Variants in RPE65 observed in about 807,000 individuals in gnomAD.
The protein encoded by RPE65 is retinoid isomerohydrolase RPE65.
A neutral mutation model predicts 68.5 loss-of-function variants in RPE65; 58 were observed. The ratio of observed to expected loss-of-function variants is 0.85; its 90% CI spans 0.69 to 1.05. The LOEUF (loss-of-function observed/expected upper bound fraction) is 1.05, where lower values mean the gene tolerates loss of function less well. Ranked by LOEUF, RPE65 falls within the 50% of genes least tolerant of loss-of-function variation. The probability of loss-of-function intolerance (pLI) is 0.00; values close to 1 mark genes in which losing one functional copy is unlikely to be tolerated. For synonymous variants in RPE65, 220 were observed against 222.2 expected (o/e 0.99, Z 0.09); for missense variants, 643 against 629.9 (o/e 1.02, Z -0.22).
At chr1:68,436,613 C>T (rs969283764) in intron 10 of RPE65, among the ~76,000 whole-genome samples, 2 of 151,920 alleles carry the variant, frequency 1.3e-5, no homozygotes, top group African/African-American at 4.8e-5. Context: ...GGATTACAGG[C>T]ATGCACCACC....
In RPE65 at chr1:68,438,280, A is replaced by C; in HGVS notation, c.1035T>G (p.Asn345Lys). The change falls in exon 10 of 14, where the codon AAT becomes AAG. Residue 345 changes from asparagine to lysine, a missense_variant. Asn to Lys is a moderately conservative substitution (Grantham distance 94, BLOSUM62 0). Transcript: ENST00000262340. ...TCACCTCTTCCCAGTTCTCACGTAA[A>C]TTGGCTAAATATAAGTAATTATAAA... is the stretch of plus-strand genomic sequence containing the variant. The part of the protein sequence containing the change: ...EFVYNYLYLA[N>K]LRENWEEVKK... 1 of 1,613,790 alleles carries C rather than the reference A, an allele frequency of 6.2e-7. No individual in the cohort carries two copies. The highest frequency in any genetic ancestry group is 8.5e-7 in the Non-Finnish European group (1 of 1,179,862).
intron 10 of RPE65, among the ~76,000 whole-genome samples, chr1:68,436,839 A>G (rs1213998765): frequency 6.6e-6 from 1 of 152,138 alleles, no homozygotes; most frequent in Non-Finnish European, 1.5e-5. Flanking sequence ...CAGGATGGAA[A>G]TCTTGAAGTC....
At chr1:68,439,716 CT>C in intron 6 of RPE65, 74 bp from the exon 7 acceptor site, 1 of 1,108,196 alleles carries the variant, frequency 9.0e-7, no homozygotes, top group Non-Finnish European at 1.4e-6. Flanking sequence ...TTTAGAACAG[CT>C]TATACAGGCA....
intron 7 of RPE65, 50 bp from the exon 8 acceptor site, chr1:68,439,373 C>T (rs1645883772): frequency 6.2e-7 from 1 of 1,609,936 alleles, no homozygotes; most frequent in Non-Finnish European, 8.5e-7. Context: ...GATTCTCAAG[C>T]CACAGACAAA....
At chr1:68,438,694 A>G (rs1645877932) in intron 9 of RPE65, among the ~76,000 whole-genome samples, 1 of 152,118 alleles carries the variant, frequency 6.6e-6, no homozygotes. Flanking sequence ...CTTTAAGTTC[A>G]CCTCTCAGGT....
In RPE65 at chr1:68,445,082, T is replaced by G. The variant is rs555683893; in HGVS notation, c.246-199A>C. On this transcript the variant is annotated intron_variant, in intron 3 of 13. Transcript: ENST00000262340. ...CACAATGTCCCTTGAGTTTACGTTT[T>G]TATCTTTTAAACCTCACAGATGAGG... is the stretch of plus-strand genomic sequence containing the variant. 1.5e-3 allele frequency among the ~76,000 whole-genome samples: 236 copies of G among 152,264 alleles called. 2 individuals are homozygous for G. Among genetic ancestry groups the G allele is most frequent in the African/African-American group, 5.5e-3 (230 of 41,558 alleles).
In RPE65 at chr1:68,444,624, A is replaced by G. The variant is rs1467212381; in HGVS notation, c.402T>C (p.Val134=). The change falls in exon 5 of 14, where the codon GTT becomes GTC. Residue 134 remains valine (V), a synonymous_variant. Coordinates refer to ENST00000262340, the MANE Select transcript of RPE65 (RefSeq NM_000329.3). ...AATCTTCCCCCACTGGGTAGACATTAACAAGGGCATTGTCAGTAACCTCTA... is the reference window on the plus strand; with the variant it reads ...AATCTTCCCCCACTGGGTAGACATTGACAAGGGCATTGTCAGTAACCTCTA... ...RGVEVTDNAL[V]NVYPVGEDYY... 1.9e-5 allele frequency: 31 copies of G among 1,614,084 alleles called. No individual in the cohort carries two copies. The highest frequency in any genetic ancestry group is 2.6e-5 in the Non-Finnish European group (31 of 1,180,034).
chr1:68,445,897 T>C (rs1341455665), intron 3 of RPE65, among the ~76,000 whole-genome samples: 3 of 151,844 alleles, frequency 2.0e-5, no homozygotes, highest in Non-Finnish European at 4.4e-5. Flanking sequence ...TAAGCTCTTA[T>C]GGCTACATTT....
At chr1:68,433,831 A>T (rs981570206) in intron 10 of RPE65, among the ~76,000 whole-genome samples, 20 of 152,054 alleles carry the variant, frequency 1.3e-4, no homozygotes, top group African/African-American at 4.3e-4. Context: ...GGTAAGAAAG[A>T]GGCAAGGGAA....
intron 1 of RPE65, among the ~76,000 whole-genome samples, chr1:68,449,668 A>G (rs1300911364): frequency 6.6e-6 from 1 of 152,180 alleles, no homozygotes; most frequent in African/African-American, 2.4e-5. Context: ...CCCATACTCA[A>G]GACTGCTTCC....
Position 68,438,247 on chromosome 1 carries a change from A to G in RPE65, c.1068T>C (p.Asn356=). The change falls in exon 10 of 14, where the codon AAT becomes AAC. Residue 356 remains asparagine, a synonymous_variant. Transcript: ENST00000262340. ...LRENWEEVKK[N]ARKAPQPEVR... ...CTTCAGGTTGGGGAGCCTTTCTGGC[A>G]TTTTTTTTCACCTCTTCCCAGTTCT... 6.2e-7 allele frequency: 1 copy of G among 1,612,952 alleles called. No individual in the cohort carries two copies. The highest frequency in any genetic ancestry group is 8.5e-7 in the Non-Finnish European group (1 of 1,179,268).
At chr1:68,441,991 G>A (rs960051171) in intron 5 of RPE65, among the ~76,000 whole-genome samples, 3 of 152,170 alleles carry the variant, frequency 2.0e-5, no homozygotes, top group African/African-American at 7.2e-5. Context: ...GACCCGTGCT[G>A]TTCTATTAAT....
In RPE65 at chr1:68,447,717, C is replaced by T. The variant is rs1571173380; in HGVS notation, c.95-857G>A. Among the ~76,000 whole-genome samples, 3 of 152,212 alleles carry T rather than the reference C, an allele frequency of 2.0e-5. No individual in the cohort carries two copies. In the South Asian group the frequency reaches 6.2e-4, roughly 32 times the overall value. ...ACGAAAAATTAGCCGGGCGTGATGG[C>T]GGGCGCCTGTAGTCCCAGCTACTTG... is the stretch of plus-strand genomic sequence containing the variant. On this transcript the variant is annotated intron_variant, in intron 2 of 13. Transcript: ENST00000262340.
chr1:68,447,007 G>A, intron 2 of RPE65, 147 bp from the exon 3 acceptor site: 2 of 1,052,716 alleles, frequency 1.9e-6, no homozygotes, highest in African/African-American at 1.6e-5. Flanking sequence ...CCCTCGCGCT[G>A]GACAGCACTT....
Position 68,446,638 on chromosome 1 carries a change from A to C in RPE65, c.245+72T>G, listed in dbSNP as rs1283558291. On this transcript the variant is annotated intron_variant, in intron 3 of 13. Transcript: ENST00000262340. ...GTTGCCTCCTGAGTTCAGAGGTGAA[A>C]ACTCACATGGGAGGAGGAGCCAAGC... The C allele has an allele frequency of 5.6e-6, 9 of 1,599,726 alleles. No individual in the cohort carries two copies. The East Asian group carries it at 2.0e-4, about 36-fold the overall frequency.
rs192907397 is a variant in RPE65 at position 68,439,568 on chromosome 1, C to A, written c.718G>T (p.Val240Phe). The A allele has an allele frequency of 3.5e-5, 56 of 1,613,788 alleles. No homozygotes were observed. Among genetic ancestry groups the A allele is most frequent in the Admixed American group, 2.5e-4 (15 of 60,020 alleles). Residue 240 changes from valine to phenylalanine, a missense_variant, in exon 7 of 14, where the codon GTT becomes TTT. Val to Phe is a conservative substitution (Grantham distance 50, BLOSUM62 -1). Transcript: ENST00000262340. ...PCSDRFKPSY[V>F]HSFGLTPNYI... ...AGCAGGCCTTCAAGTTACCTATGAA[C>A]GTAAGATGGCTTGAATCGGTCACTG...
In RPE65 at chr1:68,446,850, G is replaced by A. The variant is rs996390276; in HGVS notation, c.105C>T (p.Pro35=). 6.8e-6 allele frequency: 11 copies of A among 1,613,404 alleles called. No individual in the cohort carries two copies. Among genetic ancestry groups the A allele is most frequent in the Admixed American group, 1.7e-5 (1 of 60,010 alleles). The part of the protein sequence containing the change: ...PLTAHVTGRI[P]LWLTGSLLRC... ...GAAGGAGACTGCCGGTGAGCCAGAG[G>A]GGGATCCTGCCTGTGATGAAGGGGA... Residue 35 remains proline, a synonymous_variant, in exon 3 of 14, where the codon CCC becomes CCT. Transcript: ENST00000262340.
At chr1:68,438,853 G>T in intron 9 of RPE65, 89 bp downstream of exon 9, 1 of 1,505,420 alleles carries the variant, frequency 6.6e-7, no homozygotes, top group Non-Finnish European at 9.2e-7. Context: ...TTTTAGATGT[G>T]ATTCAGATTG....
chr1:68,446,934 T>C (rs1280406992), intron 2 of RPE65, 74 bp from the exon 3 acceptor site: 4 of 1,596,274 alleles, frequency 2.5e-6, no homozygotes, highest in Non-Finnish European at 3.4e-6. Context: ...TAAGGCAGAG[T>C]ATATCAGCAG....
Sources: allele counts gnomAD v4.1 joint callset (sites outside exome capture counted in the v4.1 genomes callset), GRCh38; gene constraint gnomAD v4.1.1; transcripts MANE v1.5; gene names NCBI Gene and HGNC (gene_info 2026-07-23, HGNC 2026-07-21).